EFHC2: variants seen among roughly 807,000 people sequenced by gnomAD.
EFHC2 encodes the protein EF-hand domain containing 2.
In EFHC2, 18 loss-of-function variants were observed where a neutral mutation model predicts 52.7. That is an observed-to-expected ratio of 0.34 (90% confidence interval 0.24 to 0.51). The LOEUF is 0.51. Among genes scored for constraint, EFHC2 ranks in the 20% least tolerant of loss-of-function variants. The pLI, the probability that EFHC2 is intolerant of heterozygous loss-of-function variation, is 0.97. For missense variants in EFHC2, 513 were observed against 562.5 expected (o/e 0.91, Z 0.89); for synonymous variants, 203 against 204.1 (o/e 0.99, Z 0.04).
chrX:44,178,192 T>C (rs2036805058), intron 12 of EFHC2, among the ~76,000 whole-genome samples, 175 bp downstream of exon 12: 1 of 103,667 alleles, frequency 9.6e-6, no homozygotes, highest in Non-Finnish European at 2.0e-5. Flanking sequence ...CTGGGAAATA[T>C]CTGTACCTAA....
intron 1 of EFHC2, among the ~76,000 whole-genome samples, chrX:44,338,999 T>C (rs947712319): frequency 1.4e-4 from 15 of 110,974 alleles, no homozygotes; most frequent in Admixed American, 1.1e-3. Flanking sequence ...GAGACCAGCC[T>C]GATCAACATG....
rs374050030 is a variant in EFHC2, at chrX:44,176,923, T to C, written c.1950-539A>G. On this transcript the variant is annotated intron_variant, in intron 12 of 14. Transcript: ENST00000420999. Reference sequence around the variant, plus strand: ...GCAGCCCAAAAGTCATTTTCTCCAGTCTTATGGGGGCAAAGACATTCTTGT... The same window carrying C: ...GCAGCCCAAAAGTCATTTTCTCCAGCCTTATGGGGGCAAAGACATTCTTGT... Among the ~76,000 whole-genome samples the C allele has an allele frequency of 5.3e-5, 6 of 112,339 alleles. No individual in the cohort carries two copies. The East Asian group carries it at 1.1e-3, about 21-fold the overall frequency.
At chrX:44,181,107 A>C (rs999100723) in intron 11 of EFHC2, among the ~76,000 whole-genome samples, 3 of 110,965 alleles carry the variant, frequency 2.7e-5, no homozygotes, top group Non-Finnish European at 5.7e-5. Context: ...AAAAAAGAAA[A>C]GTATGGTATT....
Position 44,292,721 on chromosome X carries a change from G to A in EFHC2, c.231+19847C>T, listed in dbSNP as rs957881317. 3.6e-5 allele frequency among the ~76,000 whole-genome samples: 4 copies of A among 110,397 alleles called. No homozygotes were observed. The East Asian group carries it at 8.6e-4, about 24-fold the overall frequency. ...GATCAAGGGGGTGGATTTCCCCCTCGGTACTGTCCTCACTATAGTGAGTTC... is the reference window on the plus strand; with the variant it reads ...GATCAAGGGGGTGGATTTCCCCCTCAGTACTGTCCTCACTATAGTGAGTTC... On this transcript the variant is annotated intron_variant, in intron 2 of 14. Transcript: ENST00000420999.
At chrX:44,338,756 A>T (rs2038132976) in intron 1 of EFHC2, among the ~76,000 whole-genome samples, 1 of 105,504 alleles carries the variant, frequency 9.5e-6, no homozygotes. Context: ...GTCATGATTC[A>T]TTAAATTCCT....
At chrX:44,216,166 C>A (rs977731804) in intron 11 of EFHC2, among the ~76,000 whole-genome samples, 3 of 112,499 alleles carry the variant, frequency 2.7e-5, no homozygotes, top group Non-Finnish European at 5.6e-5. Flanking sequence ...TGCTTTTTAA[C>A]AAACTACCCT....
At chrX:44,339,521 C>G (rs1424119584) in intron 1 of EFHC2, among the ~76,000 whole-genome samples, 8 of 110,880 alleles carry the variant, frequency 7.2e-5, no homozygotes, top group African/African-American at 2.6e-4. Context: ...CACCATACTT[C>G]TTGTATTTGA....
chrX:44,296,533 A>G (rs1280123408), intron 2 of EFHC2, among the ~76,000 whole-genome samples: 1 of 111,711 alleles, frequency 9.0e-6, no homozygotes, highest in Non-Finnish European at 1.9e-5. Flanking sequence ...TACAATTTCA[A>G]CTAAACATAA....
At chrX:44,219,639 T>A (rs1194108328) in intron 11 of EFHC2, among the ~76,000 whole-genome samples, 1 of 111,881 alleles carries the variant, frequency 8.9e-6, no homozygotes, top group East Asian at 2.8e-4. Flanking sequence ...AGAAAATGAA[T>A]GGGTAAAACA....
intron 2 of EFHC2, among the ~76,000 whole-genome samples, chrX:44,277,361 T>G (rs1333642981): frequency 4.5e-5 from 5 of 110,559 alleles, no homozygotes; most frequent in Non-Finnish European, 7.6e-5. Flanking sequence ...CAACATTTTA[T>G]AAAGAGGTCA....
At chrX:44,240,044 CAATA>C (rs1183613446) in intron 8 of EFHC2, among the ~76,000 whole-genome samples, 4 of 112,099 alleles carry the variant, frequency 3.6e-5, no homozygotes, top group African/African-American at 1.3e-4. Context: ...TTTTTAATAG[CAATA>C]TATATATAAT....
At chrX:44,283,443 A>G (rs781189524) in intron 2 of EFHC2, among the ~76,000 whole-genome samples, 23 of 111,366 alleles carry the variant, frequency 2.1e-4, no homozygotes, top group Non-Finnish European at 1.9e-5. Context: ...CGGCCTCCCA[A>G]AGTGCTGGGA....
chrX:44,302,808 TA>T (rs1256442031), intron 2 of EFHC2, among the ~76,000 whole-genome samples: 7 of 112,318 alleles, frequency 6.2e-5, no homozygotes, highest in African/African-American at 2.3e-4. Flanking sequence ...GAGAATTATA[TA>T]AACCTATAGA....
intron 11 of EFHC2, among the ~76,000 whole-genome samples, chrX:44,222,158 C>G (rs2037198923): frequency 9.0e-6 from 1 of 111,105 alleles, no homozygotes; most frequent in South Asian, 3.8e-4. Flanking sequence ...TGGGAGGTGC[C>G]TTATATGATC....
chrX:44,308,536 G>A (rs1262207900), intron 2 of EFHC2, among the ~76,000 whole-genome samples: 2 of 111,065 alleles, frequency 1.8e-5, no homozygotes, highest in Non-Finnish European at 3.8e-5. Flanking sequence ...CCCAGATCAC[G>A]CCTAAATTTC....
Position 44,189,494 on chromosome X carries a change from G to T in EFHC2, c.1752-10930C>A, listed in dbSNP as rs189800620. On this transcript the variant is annotated intron_variant, in intron 11 of 14. Transcript: ENST00000420999. ...TGGCAGGCGGGGCCCACTCATGAGA[G>T]ATGCATGTGTACGCCATGTAGGATA... is the stretch of plus-strand genomic sequence containing the variant. Among the ~76,000 whole-genome samples the T allele has an allele frequency of 4.4e-5, 5 of 112,496 alleles. No homozygotes were observed. In the East Asian group the frequency reaches 1.4e-3, roughly 31 times the overall value.
At chrX:44,334,813 A>G (rs1412205799) in intron 1 of EFHC2, among the ~76,000 whole-genome samples, 1 of 112,248 alleles carries the variant, frequency 8.9e-6, no homozygotes, top group African/African-American at 3.2e-5. Context: ...AGTTATTTAC[A>G]TATTCTGAAT....
At chrX:44,248,077 T>C in intron 7 of EFHC2, among the ~76,000 whole-genome samples, 195 bp downstream of exon 7, 1 of 111,184 alleles carries the variant, frequency 9.0e-6, no homozygotes, top group Middle Eastern at 4.6e-3. Flanking sequence ...TTTTCACCTC[T>C]AAAATGGGGA....
At chrX:44,185,195 T>A in intron 11 of EFHC2, among the ~76,000 whole-genome samples, 1 of 112,399 alleles carries the variant, frequency 8.9e-6, no homozygotes. Flanking sequence ...GAAATGCTTT[T>A]GATGACTCTG....
Sources: gnomAD v4.1 joint callset for allele counts (sites outside exome capture counted in the v4.1 genomes callset) on GRCh38, gnomAD v4.1.1 for gene constraint, MANE v1.5 for transcripts, NCBI Gene and HGNC (gene_info 2026-07-23, HGNC 2026-07-21) for gene names.